Variants in OSMR observed in about 807,000 individuals in gnomAD.
OSMR encodes oncostatin-M-specific receptor subunit beta.
A neutral mutation model predicts 99.9 loss-of-function variants in OSMR; 81 were observed. The ratio of observed to expected loss-of-function variants is 0.81; its 90% CI spans 0.68 to 0.97. The LOEUF (loss-of-function observed/expected upper bound fraction) is 0.97. OSMR is among the 50% of genes least tolerant of loss of function. The probability of loss-of-function intolerance (pLI) is 0.00; values close to 1 mark genes in which losing one functional copy is unlikely to be tolerated. For synonymous variants in OSMR, 406 were observed against 410.4 expected (o/e 0.99, Z 0.13); for missense variants, 1,099 against 1,153.4 (o/e 0.95, Z 0.68).
chr5:38,862,359 A>C (rs1331327864), intron 1 of OSMR, among the ~76,000 whole-genome samples: 15 of 86,098 alleles, frequency 1.7e-4, no homozygotes, highest in South Asian at 6.2e-4. Context: ...ACTTCCCAGT[A>C]GGGGCGGCCG....
At chr5:38,880,705 T>C (rs1401042561) in intron 3 of OSMR, among the ~76,000 whole-genome samples, 1 of 152,138 alleles carries the variant, frequency 6.6e-6, no homozygotes, top group Non-Finnish European at 1.5e-5. Flanking sequence ...ATAAGGCATA[T>C]CCAGAAGTGT....
intron 1 of OSMR, among the ~76,000 whole-genome samples, chr5:38,853,509 A>T (rs1740602420): frequency 7.1e-6 from 1 of 141,824 alleles, no homozygotes; most frequent in Admixed American, 7.1e-5. Context: ...AATTATTAAT[A>T]TTACAGCTTC....
intron 7 of OSMR, among the ~76,000 whole-genome samples, chr5:38,895,028 A>T (rs914535472): frequency 2.0e-5 from 3 of 152,138 alleles, no homozygotes; most frequent in African/African-American, 7.2e-5. Context: ...GAAGGAAGAA[A>T]TTAAAAAATT....
At chr5:38,927,516 A>G (rs1173806530) in intron 15 of OSMR, among the ~76,000 whole-genome samples, 1 of 152,160 alleles carries the variant, frequency 6.6e-6, no homozygotes, top group Non-Finnish European at 1.5e-5. Context: ...CTCTGAAGCA[A>G]TGACCTCTTT....
intron 1 of OSMR, chr5:38,942,272 A>G: frequency 7.9e-7 from 1 of 1,269,022 alleles, no homozygotes; most frequent in Non-Finnish European, 1.1e-6. Flanking sequence ...GAATATATAT[A>G]GTATGTATCT....
rs1746246446 is a variant in OSMR at position 38,921,768 on chromosome 5, A to G, written c.1739A>G (p.Asn580Ser). The G allele has an allele frequency of 6.2e-7, 1 of 1,613,974 alleles. No homozygotes were observed. The highest frequency in any genetic ancestry group is 1.7e-5 in the Admixed American group (1 of 60,006). Residue 580 changes from asparagine (N) to serine (S), a missense_variant, in exon 12 of 18, where the codon AAT becomes AGT. Transcript: ENST00000274276. ...TTCCAGTGGAAGAATGTAGGTCCCAATACCACAAGCACAGTCATTAGCACA... is the reference window on the plus strand; with the variant it reads ...TTCCAGTGGAAGAATGTAGGTCCCAGTACCACAAGCACAGTCATTAGCACA... Reference protein sequence around the residue: ...GDFQWKNVGPNTTSTVISTDA... With the variant: ...GDFQWKNVGPSTTSTVISTDA...
Position 38,860,736 on chromosome 5 carries a change from A to C in OSMR, c.-13-8296A>C, listed in dbSNP as rs539652506. Among the ~76,000 whole-genome samples, 3 of 152,298 alleles carry C rather than the reference A, an allele frequency of 2.0e-5. No individual in the cohort carries two copies. In the East Asian group the frequency reaches 5.8e-4, roughly 29 times the overall value. On this transcript the variant is annotated intron_variant, in intron 1 of 17. Coordinates refer to ENST00000274276, the MANE Select transcript of OSMR (RefSeq NM_003999.3). ...CGCCCAGGCTGGAGTGCAATGGCACAATCTTGGCTCACTGCAACCTCCGCC... is the reference window on the plus strand; with the variant it reads ...CGCCCAGGCTGGAGTGCAATGGCACCATCTTGGCTCACTGCAACCTCCGCC...
At chr5:38,885,611 G>A in intron 6 of OSMR, 127 bp downstream of exon 6, 1 of 1,272,748 alleles carries the variant, frequency 7.9e-7, no homozygotes, top group South Asian at 1.2e-5. Flanking sequence ...CACCTGCCAA[G>A]GTCAAGAGGA....
At position 38,925,249 on chromosome 5, in the gene OSMR, A is replaced by G. The variant is rs387906823; in HGVS notation, c.2090A>G (p.Lys697Arg). The change falls in exon 15 of 18, where the codon AAG becomes AGG. Residue 697 changes from lysine (K) to arginine (R), a missense_variant. Physicochemically the swap from Lys to Arg is conservative, Grantham distance 26. Transcript: ENST00000274276. ...TACAAAATTGACAACCCGGAAGAAA[A>G]GGCATTGATTGTGGACAACCTAAAG... is the stretch of plus-strand genomic sequence containing the variant. ...CKYKIDNPEEKALIVDNLKPE... is the reference protein window; with the variant it reads ...CKYKIDNPEERALIVDNLKPE... 6.2e-7 allele frequency: 1 copy of G among 1,614,040 alleles called. No individual in the cohort carries two copies. The highest frequency in any genetic ancestry group is 1.7e-5 in the Admixed American group (1 of 60,018).
Position 38,869,086 on chromosome 5 carries a change from A to C in OSMR, c.42A>C (p.Thr14=), listed in dbSNP as rs1194305895. 4 of 1,613,414 alleles carry C rather than the reference A, an allele frequency of 2.5e-6. No individual in the cohort carries two copies. The African/African-American group carries it at 5.3e-5, about 22-fold the overall frequency. The change falls in exon 2 of 18, where the codon ACA becomes ACC. Residue 14 remains threonine (T), a synonymous_variant. Coordinates refer to ENST00000274276, the MANE Select transcript of OSMR (RefSeq NM_003999.3). ...FAVFQTTFFL[T]LLSLRTYQSE... is the part of the protein sequence containing the mutation. Reference sequence around the variant, plus strand: ...TCTTTCAGACAACATTCTTCTTAACATTGCTGTCCTTGAGGACTTACCAGA... The same window carrying C: ...TCTTTCAGACAACATTCTTCTTAACCTTGCTGTCCTTGAGGACTTACCAGA...
chr5:38,858,402 A>T (rs1333809472), intron 1 of OSMR, among the ~76,000 whole-genome samples: 1 of 151,624 alleles, frequency 6.6e-6, no homozygotes, highest in Admixed American at 6.6e-5. Context: ...ACTTAACATA[A>T]TGACCTTGAG....
At chr5:38,944,663 C>T (rs890642532) in intron 2 of OSMR, 24 of 1,138,794 alleles carry the variant, frequency 2.1e-5, no homozygotes, top group Non-Finnish European at 3.0e-5. Context: ...ACCTAAAGAC[C>T]TAGAGATCAA....
chr5:38,925,553 C>A (rs192924853), intron 15 of OSMR, among the ~76,000 whole-genome samples, 182 bp downstream of exon 15: 35 of 152,302 alleles, frequency 2.3e-4, no homozygotes, highest in African/African-American at 7.5e-4. Context: ...CACAGACTCT[C>A]ACTATATAAA....
intron 7 of OSMR, among the ~76,000 whole-genome samples, chr5:38,900,403 T>C (rs185484597): frequency 1.8e-3 from 269 of 152,326 alleles, no homozygotes; most frequent in African/African-American, 6.2e-3. Context: ...TACTTGACTT[T>C]TCAGTCTTAT....
intron 9 of OSMR, among the ~76,000 whole-genome samples, chr5:38,908,598 G>C (rs1241159475): frequency 2.6e-5 from 4 of 152,166 alleles, no homozygotes; most frequent in African/African-American, 9.7e-5. Context: ...ACAAAGGTGG[G>C]GGCCTGATAC....
chr5:38,892,350 TTAGTTTGGCTGGAGACCTGG>T (rs1376455760), intron 7 of OSMR, among the ~76,000 whole-genome samples: 2 of 151,888 alleles, frequency 1.3e-5, no homozygotes, highest in African/African-American at 4.8e-5. Flanking sequence ...TGCCTGAGAG[TTAGTTTGGCTGGAGACCTGG>T]TGGCCAGCCT....
chr5:38,880,223 G>C (rs780980183), intron 3 of OSMR, among the ~76,000 whole-genome samples: 1 of 152,214 alleles, frequency 6.6e-6, no homozygotes, highest in Non-Finnish European at 1.5e-5. Flanking sequence ...AGGCATCCGA[G>C]TTGCTAACGC....
chr5:38,853,257 GA>G (rs1325661443), intron 1 of OSMR, among the ~76,000 whole-genome samples: 1 of 152,098 alleles, frequency 6.6e-6, no homozygotes, highest in African/African-American at 2.4e-5. Flanking sequence ...TTTGCTGAAG[GA>G]AATGAGGCAA....
exon 2 of OSMR, chr5:38,944,294 A>T: frequency 1.3e-6 from 1 of 763,798 alleles, no homozygotes; most frequent in South Asian, 1.4e-5. Context: ...TGGCTGAAGT[A>T]TTAAAGAAAA....
Sources: gnomAD v4.1 joint callset for allele counts (sites outside exome capture counted in the v4.1 genomes callset) on GRCh38, gnomAD v4.1.1 for gene constraint, MANE v1.5 for transcripts, NCBI Gene and HGNC (gene_info 2026-07-23, HGNC 2026-07-21) for gene names.